Variants in TMEM269 observed in about 807,000 individuals in gnomAD.
The protein encoded by TMEM269 is transmembrane protein 269.
Under a neutral mutation model 15.8 loss-of-function variants are expected in TMEM269, and 12 were observed. The observed-to-expected ratio is 0.76, with a 90% CI of 0.49 to 1.23. The LOEUF (loss-of-function observed/expected upper bound fraction) is 1.23, where lower values mean the gene tolerates loss of function less well. Ranked by LOEUF, TMEM269 falls within the 50% of genes most tolerant of loss-of-function variation. TMEM269 has a pLI of 0.00. For synonymous variants in TMEM269, 93 were observed against 99.3 expected (o/e 0.94, Z 0.38); for missense variants, 211 against 245.4 (o/e 0.86, Z 0.94).
At chr1:42,787,371 C>A (rs551070549) in intron 1 of TMEM269, among the ~76,000 whole-genome samples, 3 of 151,598 alleles carry the variant, frequency 2.0e-5, no homozygotes, top group African/African-American at 7.3e-5. Context: ...GAGGCCGAGG[C>A]GGGTGGATCA....
chr1:42,788,040 GC>G lies in TMEM269; in HGVS notation c.-98-1754del, dbSNP rs1653577099. The G allele has an allele frequency of 6.6e-6, 1 of 152,362 alleles. No homozygotes were observed. Among genetic ancestry groups the G allele is most frequent in the Non-Finnish European group, 1.5e-5 (1 of 68,154 alleles). 9.4% of individuals were successfully genotyped at this position (152,362 alleles called of 1,614,324 possible). ...CGTCTTAGGAATCCCAATGGCTCTG[GC>G]CATGTAGCTACTGATCACCTTTGGT... On this transcript the variant is annotated intron_variant, in intron 1 of 5. Coordinates refer to ENST00000637012, the MANE Select transcript of TMEM269 (RefSeq NM_001354602.2). The surrounding 1 kb of genome is among the most constrained non-coding windows in gnomAD (Gnocchi z 4.0).
intron 1 of TMEM269, among the ~76,000 whole-genome samples, chr1:42,787,501 G>A (rs1653564504): frequency 6.6e-6 from 1 of 150,940 alleles, no homozygotes; most frequent in Admixed American, 6.6e-5. Flanking sequence ...TGGGGAGGCT[G>A]AGGCAGGAGA....
Position 42,799,179 on chromosome 1 carries a change from C to T in TMEM269, c.*954C>T, listed in dbSNP as rs1272794885. 1.3e-5 allele frequency: 2 copies of T among 151,974 alleles called. No homozygotes were observed. Among genetic ancestry groups the T allele is most frequent in the African/African-American group, 4.8e-5 (2 of 41,362 alleles). 9.4% of individuals were successfully genotyped at this position (151,974 alleles called of 1,614,324 possible). ...CTTTCCTACGCTGGAAACTACTAAA[C>T]TCTAGCTATTCAGATGCCACTTCAT... On this transcript the variant is annotated 3_prime_UTR_variant, in exon 6 of 6. Coordinates refer to ENST00000637012, the MANE Select transcript of TMEM269 (RefSeq NM_001354602.2).
chr1:42,794,443 GC>G lies in TMEM269; in HGVS notation c.318del (p.Tyr107MetfsTer12), dbSNP rs1316092687. 1.3e-6 allele frequency: 2 copies of G among 1,550,564 alleles called. No individual in the cohort carries two copies. Among genetic ancestry groups the G allele is most frequent in the Non-Finnish European group, 8.7e-7 (1 of 1,146,984 alleles). ...GVPSTYKGLPCPYASCILAST... is the reference protein window; with the variant it reads ...GVPSTYKGLPXPYASCILAST... ...CCCTCCACATACAAGGGTCTACCCT[GC>G]CCCTATGCTTCCTGCATCTTGGCTT... is the stretch of plus-strand genomic sequence containing the variant. On this transcript the variant is annotated frameshift_variant, in exon 5 of 6. Coordinates refer to ENST00000637012, the MANE Select transcript of TMEM269 (RefSeq NM_001354602.2). LOFTEE classifies it high-confidence loss of function.
intron 3 of TMEM269, 130 bp downstream of exon 3, chr1:42,793,032 C>G: frequency 1.5e-6 from 1 of 659,498 alleles, no homozygotes; most frequent in Non-Finnish European, 2.7e-6. Flanking sequence ...CCGCTGAGAG[C>G]AGCAGCAGCA....
intron 1 of TMEM269, 111 bp from the exon 2 acceptor site, chr1:42,789,685 A>G: frequency 2.5e-6 from 2 of 815,792 alleles, no homozygotes; most frequent in South Asian, 1.6e-5. Context: ...GTGAAACAGA[A>G]TGTAGGGAGG....
rs1237672568 is a variant in TMEM269 at position 42,799,720 on chromosome 1, A to G, written c.*1495A>G. The G allele has an allele frequency of 6.6e-6, 1 of 152,240 alleles. No individual in the cohort carries two copies. The highest frequency in any genetic ancestry group is 1.5e-5 in the Non-Finnish European group (1 of 68,040). The allele number at this position is 152,240 out of a possible 1,614,324, so 9.4% of individuals were successfully genotyped here. A position where few individuals can be genotyped will look rare whatever the true frequency, so the allele number is the denominator to read the frequency against. ...AATGTGGTAAGAATTTTACAAATAT[A>G]CACGAGCTTAGACATTTCAATACAA... On this transcript the variant is annotated 3_prime_UTR_variant, in exon 6 of 6. Transcript: ENST00000637012.
chr1:42,796,256 T>A (rs12094636), intron 5 of TMEM269, among the ~76,000 whole-genome samples: 4,021 of 152,292 alleles, frequency 0.026, 194 homozygotes, highest in African/African-American at 0.091. Context: ...CTCCTGTAGA[T>A]ACTACTGATC....
At position 42,797,428 on chromosome 1, in the gene TMEM269, TGA is replaced by T; in HGVS notation, c.485-665_485-664del. 1.3e-5 allele frequency among the ~76,000 whole-genome samples: 2 copies of T among 152,270 alleles called. No individual in the cohort carries two copies. The highest frequency in any genetic ancestry group is 4.1e-4 in the South Asian group (2 of 4,826). ...AAGTGTTGGCTACCAGGGAAACTGA[TGA>T]GAGACTCAGTGCCCAAGTTTTACTG... On this transcript the variant is annotated intron_variant, in intron 5 of 5. Coordinates refer to ENST00000637012, the MANE Select transcript of TMEM269 (RefSeq NM_001354602.2). This position sits in a 1 kb window ranked among gnomAD's most constrained non-coding sequence, Gnocchi z 4.9.
In TMEM269 at chr1:42,792,890, T is replaced by C. The variant is rs896712113; in HGVS notation, c.127T>C (p.Cys43Arg). The C allele has an allele frequency of 1.3e-6, 2 of 1,550,398 alleles. No individual in the cohort carries two copies. The highest frequency in any genetic ancestry group is 2.7e-5 in the African/African-American group (2 of 73,026). ...VRAMTSHINI[C>R]SKLGAELNDF... ...GGCAATGACCAGCCACATCAACATATGCTCCAAATTGGGTGAGTTCAGGCC... is the reference window on the plus strand; with the variant it reads ...GGCAATGACCAGCCACATCAACATACGCTCCAAATTGGGTGAGTTCAGGCC... The change falls in exon 3 of 6, where the codon TGC (cysteine) becomes CGC (arginine). Residue 43 changes from cysteine to arginine, a missense_variant. Coordinates refer to ENST00000637012, the MANE Select transcript of TMEM269 (RefSeq NM_001354602.2).
In TMEM269 at chr1:42,793,756, C is replaced by T. The variant is rs1342561897; in HGVS notation, c.283+12C>T. On this transcript the variant is annotated intron_variant, in intron 4 of 5. Coordinates refer to ENST00000637012, the MANE Select transcript of TMEM269 (RefSeq NM_001354602.2). ...CTTTTATTCACCTGGTGAGTGGAACCAAGGTTGCCTTAGAACAGAGGGCAG... is the reference window on the plus strand; with the variant it reads ...CTTTTATTCACCTGGTGAGTGGAACTAAGGTTGCCTTAGAACAGAGGGCAG... 2.6e-6 allele frequency: 4 copies of T among 1,549,150 alleles called. No homozygotes were observed. Among genetic ancestry groups the T allele is most frequent in the Non-Finnish European group, 3.5e-6 (4 of 1,146,302 alleles).
Position 42,798,189 on chromosome 1 carries a change from G to A in TMEM269, c.576G>A (p.Leu192=). ...SLSYIFFPDA[L]WGKAACLSPQ... ...CGTACATCTTCTTTCCAGATGCTCT[G>A]TGGGGCAAGGCAGCCTGTCTTTCGC... The change falls in exon 6 of 6, where the codon CTG becomes CTA. Residue 192 remains leucine, a synonymous_variant. Transcript: ENST00000637012. The A allele has an allele frequency of 6.5e-7, 1 of 1,548,924 alleles. No homozygotes were observed.
At position 42,798,845 on chromosome 1, in the gene TMEM269, G is replaced by T. The variant is rs1261344691; in HGVS notation, c.*620G>T. ...GCAGGCTCCGCCCCCCGGGATTCAC[G>T]CCATTCTCCTGCCTCAGCCTCCCGC... On this transcript the variant is annotated 3_prime_UTR_variant, in exon 6 of 6. Transcript: ENST00000637012. 7.2e-6 allele frequency: 1 copy of T among 138,348 alleles called. No individual in the cohort carries two copies. The highest frequency in any genetic ancestry group is 2.7e-5 in the African/African-American group (1 of 37,020). 8.6% of individuals were successfully genotyped at this position (138,348 alleles called of 1,614,324 possible). A position where few individuals can be genotyped will look rare whatever the true frequency, so the allele number is the denominator to read the frequency against.
In TMEM269 at chr1:42,798,335, G is replaced by GACATACC; in HGVS notation, c.*111_*112insCATACCA. On this transcript the variant is annotated 3_prime_UTR_variant, in exon 6 of 6. Transcript: ENST00000637012. The stretch of plus-strand genomic sequence containing the variant: ...TATGTACCTGTGTTGCCATATACTA[G>GACATACC]ATATATGGTATGTCTGTTGCCATGA... 7.6e-7 allele frequency: 1 copy of GACATACC among 1,319,718 alleles called. No individual in the cohort carries two copies. The highest frequency in any genetic ancestry group is 1.0e-6 in the Non-Finnish European group (1 of 972,916). 81.8% of individuals were successfully genotyped at this position (1,319,718 alleles called of 1,614,324 possible). A position where few individuals can be genotyped will look rare whatever the true frequency, so the allele number is the denominator to read the frequency against.
At chr1:42,787,593 C>T (rs1399424334) in intron 1 of TMEM269, among the ~76,000 whole-genome samples, 9 of 106,440 alleles carry the variant, frequency 8.5e-5, no homozygotes, top group African/African-American at 1.5e-4. Context: ...GGCGACAGAG[C>T]GAGACTCCGT....
chr1:42,790,018 C>A, intron 2 of TMEM269, 84 bp downstream of exon 2: 1 of 1,045,348 alleles, frequency 9.6e-7, no homozygotes, highest in Non-Finnish European at 1.4e-6. Context: ...GGAGAGCAGG[C>A]ACTGAGGCAT....
At chr1:42,794,958 G>T (rs998576365) in intron 5 of TMEM269, among the ~76,000 whole-genome samples, 1 of 152,156 alleles carries the variant, frequency 6.6e-6, no homozygotes, top group African/African-American at 2.4e-5. Context: ...GGTAAACTAG[G>T]CAAACAGTCC....
In TMEM269 at chr1:42,794,439, C is replaced by T; in HGVS notation, c.310C>T (p.Pro104Ser). The T allele has an allele frequency of 6.4e-7, 1 of 1,550,600 alleles. No homozygotes were observed. Among genetic ancestry groups the T allele is most frequent in the East Asian group, 2.4e-5 (1 of 40,924 alleles). ...AGTCCCCTCCACATACAAGGGTCTA[C>T]CCTGCCCCTATGCTTCCTGCATCTT... is the stretch of plus-strand genomic sequence containing the variant. Reference protein sequence around the residue: ...PGVPSTYKGLPCPYASCILAS... With the variant: ...PGVPSTYKGLSCPYASCILAS... The change falls in exon 5 of 6, where the codon CCC becomes TCC. Residue 104 changes from proline to serine, a missense_variant. Physicochemically the swap from Pro to Ser is moderately conservative, Grantham distance 74. Transcript: ENST00000637012.
chr1:42,793,683 TG>T lies in TMEM269; in HGVS notation c.225del (p.Ile76SerfsTer43). On this transcript the variant is annotated frameshift_variant, in exon 4 of 6. Transcript: ENST00000637012. LOFTEE classifies it high-confidence loss of function. ...TCCTAGGCGTGGATGGACTTCTGAG[TG>T]GGATCCTGGCCATCATCTATGTGTC... The part of the protein sequence containing the change: ...LLLGVDGLLS[G>X]ILAIIYVSAA... The T allele has an allele frequency of 6.4e-7, 1 of 1,550,578 alleles. No individual in the cohort carries two copies.
Sources: gnomAD v4.1 joint callset for allele counts (sites outside exome capture counted in the v4.1 genomes callset) on GRCh38, gnomAD v4.1.1 for gene constraint, Gnocchi (gnomAD v3.1) non-coding constraint, MANE v1.5 for transcripts, NCBI Gene and HGNC (gene_info 2026-07-23, HGNC 2026-07-21) for gene names.